Variants in SLCO6A1 observed in about 807,000 individuals in gnomAD.
SLCO6A1 encodes cancer/testis antigen 48.
SLCO6A1 carries 65 observed loss-of-function variants against 72.7 expected under a neutral mutation model. The observed-to-expected ratio is 0.89, with a 90% CI of 0.73 to 1.10. The LOEUF (loss-of-function observed/expected upper bound fraction) is 1.10, where lower values mean the gene tolerates loss of function less well. SLCO6A1 is among the 50% of genes least tolerant of loss of function. The probability of loss-of-function intolerance (pLI) is 0.00; values close to 1 mark genes in which losing one functional copy is unlikely to be tolerated. For synonymous variants in SLCO6A1, 314 were observed against 298.2 expected (o/e 1.05, Z -0.55); for missense variants, 874 against 872.6 (o/e 1.00, Z -0.02).
chr5:102,494,615 A>G (rs1752829029), intron 1 of SLCO6A1, among the ~76,000 whole-genome samples: 1 of 152,202 alleles, frequency 6.6e-6, no homozygotes, highest in African/African-American at 2.4e-5. Context: ...TTCACAAACA[A>G]AGACATACAA....
At chr5:102,417,694 C>G (rs1192373346) in intron 8 of SLCO6A1, among the ~76,000 whole-genome samples, 2 of 152,038 alleles carry the variant, frequency 1.3e-5, no homozygotes, top group African/African-American at 2.4e-5. Flanking sequence ...TTTTATTGCT[C>G]TTCTTTCCTT....
intron 6 of SLCO6A1, among the ~76,000 whole-genome samples, chr5:102,449,621 C>T (rs917059342): frequency 3.3e-5 from 5 of 152,076 alleles, no homozygotes; most frequent in Non-Finnish European, 5.9e-5. Context: ...CTCCTGACCT[C>T]GTGATCCGCC....
intron 8 of SLCO6A1, among the ~76,000 whole-genome samples, chr5:102,418,270 CATTT>C (rs1213492243): frequency 8.6e-5 from 13 of 151,844 alleles, no homozygotes; most frequent in African/African-American, 2.9e-4. Flanking sequence ...TGCTTTATAT[CATTT>C]ATTTTGAATA....
chr5:102,383,101 T>TATATATATATATATAA (rs1432084945), intron 12 of SLCO6A1, among the ~76,000 whole-genome samples: 3 of 148,290 alleles, frequency 2.0e-5, no homozygotes, highest in African/African-American at 7.4e-5. Context: ...TGTGAATATA[T>TATATATATATATATAA]ATATATATAG....
intron 12 of SLCO6A1, among the ~76,000 whole-genome samples, chr5:102,384,384 T>C (rs1746289929): frequency 6.6e-6 from 1 of 152,028 alleles, no homozygotes; most frequent in African/African-American, 2.4e-5. Context: ...CTCTGACTGT[T>C]TTCTGACTCT....
chr5:102,463,196 T>C (rs1751131480), intron 4 of SLCO6A1, among the ~76,000 whole-genome samples: 1 of 152,150 alleles, frequency 6.6e-6, no homozygotes, highest in African/African-American at 2.4e-5. Flanking sequence ...ATCAAGGGAA[T>C]GCAAGTTAAA....
intron 1 of SLCO6A1, among the ~76,000 whole-genome samples, chr5:102,483,981 G>A (rs1350202732): frequency 1.3e-5 from 2 of 152,114 alleles, no homozygotes; most frequent in Non-Finnish European, 2.9e-5. Context: ...AATAATAAGA[G>A]TTTCTTATGA....
chr5:102,474,438 A>T (rs1751791097), intron 4 of SLCO6A1, among the ~76,000 whole-genome samples: 1 of 152,130 alleles, frequency 6.6e-6, no homozygotes, highest in African/African-American at 2.4e-5. Context: ...AATGGATTAG[A>T]CATCTAAACA....
chr5:102,429,079 C>T (rs1170612000), intron 7 of SLCO6A1, among the ~76,000 whole-genome samples: 9 of 152,004 alleles, frequency 5.9e-5, no homozygotes, highest in African/African-American at 2.2e-4. Flanking sequence ...GACTGTTGGC[C>T]ACATGTCTTC....
intron 3 of SLCO6A1, 117 bp from the exon 4 acceptor site, chr5:102,475,910 CAGAG>C: frequency 5.3e-6 from 3 of 567,646 alleles, no homozygotes; most frequent in Non-Finnish European, 9.0e-6. Flanking sequence ...CTGTATTAGT[CAGAG>C]CTCTCCAGAG....
At chr5:102,445,487 C>T (rs772750764) in intron 6 of SLCO6A1, among the ~76,000 whole-genome samples, 6 of 152,030 alleles carry the variant, frequency 3.9e-5, no homozygotes, top group South Asian at 2.1e-4. Flanking sequence ...CTTTGTCAGA[C>T]GTATAGTTTG....
intron 8 of SLCO6A1, among the ~76,000 whole-genome samples, chr5:102,417,565 CAT>C (rs1414787506): frequency 6.6e-6 from 1 of 152,120 alleles, no homozygotes; most frequent in African/African-American, 2.4e-5. Flanking sequence ...AGTCTACCAA[CAT>C]GTGCTATTAT....
At chr5:102,417,441 G>A (rs570884129) in intron 8 of SLCO6A1, among the ~76,000 whole-genome samples, 2 of 151,286 alleles carry the variant, frequency 1.3e-5, no homozygotes, top group South Asian at 2.1e-4. Context: ...CCTAATTTGG[G>A]ATTAAATATC....
chr5:102,430,867 T>A (rs1749177535), intron 7 of SLCO6A1, among the ~76,000 whole-genome samples: 1 of 152,134 alleles, frequency 6.6e-6, no homozygotes, highest in African/African-American at 2.4e-5. Flanking sequence ...TTAGTAGTAA[T>A]GACACCAGCT....
chr5:102,438,629 T>G lies in SLCO6A1; in HGVS notation c.1264A>C (p.Thr422Pro). 1 of 1,591,430 alleles carries G rather than the reference T, an allele frequency of 6.3e-7. No homozygotes were observed. The highest frequency in any genetic ancestry group is 8.5e-7 in the Non-Finnish European group (1 of 1,172,932). The change falls in exon 7 of 14, where the codon ACT (threonine) becomes CCT (proline). Residue 422 changes from threonine (T) to proline (P), a missense_variant. Thr to Pro is a conservative substitution (Grantham distance 38). Coordinates refer to ENST00000506729, the MANE Select transcript of SLCO6A1 (RefSeq NM_173488.5). ...NQFILTPTVA[T>P]TLAGLVLIPG... ...AAGGTAAATCTACCTGCAAGTGTAG[T>G]TGCCACAGTGGGTGTTAATATAAAC... is the stretch of plus-strand genomic sequence containing the variant.
intron 7 of SLCO6A1, among the ~76,000 whole-genome samples, chr5:102,429,064 C>T (rs1749069134): frequency 6.6e-6 from 1 of 152,086 alleles, no homozygotes; most frequent in African/African-American, 2.4e-5. Flanking sequence ...GAGGTTTTTT[C>T]ATATGACTGT....
At position 102,378,900 on chromosome 5, in the gene SLCO6A1, A is replaced by G. The variant is rs896773072; in HGVS notation, c.2018-5406T>C. ...GGGTTCAAGAGATTCTCCTGCCTCA[A>G]CCTCCATTTAGCTGGGGTTACAGGT... On this transcript the variant is annotated intron_variant, in intron 12 of 13. Coordinates refer to ENST00000506729, the MANE Select transcript of SLCO6A1 (RefSeq NM_173488.5). 3.4e-5 allele frequency among the ~76,000 whole-genome samples: 5 copies of G among 147,772 alleles called. No individual in the cohort carries two copies. The Admixed American group carries it at 3.4e-4, about 10-fold the overall frequency.
At chr5:102,399,439 T>C (rs1317202844) in intron 10 of SLCO6A1, 116 bp downstream of exon 10, 1 of 651,960 alleles carries the variant, frequency 1.5e-6, no homozygotes, top group Non-Finnish European at 2.2e-6. Flanking sequence ...ACTTTTCCTC[T>C]GCATTTGCTA....
At chr5:102,451,385 C>T (rs1385511067) in intron 6 of SLCO6A1, among the ~76,000 whole-genome samples, 1 of 152,174 alleles carries the variant, frequency 6.6e-6, no homozygotes, top group East Asian at 1.9e-4. Context: ...TCTTGCTTAT[C>T]AGCACTGTGG....
Sources: gnomAD v4.1 joint callset for allele counts (sites outside exome capture counted in the v4.1 genomes callset) on GRCh38, gnomAD v4.1.1 for gene constraint, MANE v1.5 for transcripts, NCBI Gene and HGNC (gene_info 2026-07-23, HGNC 2026-07-21) for gene names.